The following PCDHA5 variants were observed in gnomAD, a reference collection of about 807,000 sequenced individuals.
PCDHA5 encodes the protein protocadherin alpha 5, also known as protocadherin alpha-5.
In PCDHA5, 43 loss-of-function variants were observed where a neutral mutation model predicts 61.6. That is an observed-to-expected ratio of 0.70 (90% CI 0.55 to 0.90). PCDHA5 has a LOEUF of 0.90. Among genes scored for constraint, PCDHA5 ranks in the 40% least tolerant of loss-of-function variants. PCDHA5 has a pLI of 0.00. For missense variants in PCDHA5, 1,298 were observed against 1,222.7 expected, an observed-to-expected ratio of 1.06 and a Z score of -0.92; for synonymous variants, 627 against 543.9, an observed-to-expected ratio of 1.15 and a Z score of -2.13.
intron 1 of PCDHA5, 81 bp from the exon 2 acceptor site, chr5:140,978,868 G>A: frequency 6.2e-7 from 1 of 1,606,078 alleles, no homozygotes; most frequent in Non-Finnish European, 8.5e-7. Context: ...ATATTTAAGG[G>A]AGTAACTAAT....
At chr5:140,998,056 C>T (rs1162882949) in intron 3 of PCDHA5, among the ~76,000 whole-genome samples, 1 of 152,160 alleles carries the variant, frequency 6.6e-6, no homozygotes, top group Non-Finnish European at 1.5e-5. Context: ...GTGACATCAT[C>T]ATCAACAGAC....
At chr5:140,982,217 C>A in intron 2 of PCDHA5, 1 of 507,664 alleles carries the variant, frequency 2.0e-6, no homozygotes, top group Non-Finnish European at 3.1e-6. Flanking sequence ...CGCCACATGG[C>A]GTTAATAAAA....
chr5:140,926,441 A>G (rs1476576189), intron 1 of PCDHA5: 1 of 154,800 alleles, frequency 6.5e-6, no homozygotes, highest in African/African-American at 2.4e-5. Context: ...AGATCTGGGC[A>G]GCCTCAGGGC....
rs1437850359 is a variant in PCDHA5, at chr5:140,822,152, A to G, written c.377A>G (p.Asn126Ser). The G allele has an allele frequency of 1.7e-5, 27 of 1,614,268 alleles. 1 individual carries two copies. Among genetic ancestry groups the G allele is most frequent in the Admixed American group, 3.3e-5 (2 of 60,028 alleles). ...FHVEVAVKDI[N>S]DNPPRFSRQE... ...GTGGAGGTGGCAGTGAAGGACATCA[A>G]TGACAATCCGCCCAGGTTCTCCAGA... The change falls in exon 1 of 4, where the codon AAT (asparagine) becomes AGT (serine). Residue 126 changes from asparagine (N) to serine (S), a missense_variant. By Grantham distance (46) the Asn-to-Ser change is conservative. Coordinates refer to ENST00000529859, the MANE Select transcript of PCDHA5 (RefSeq NM_018908.3).
rs2150472537 is a variant in PCDHA5, at chr5:140,850,195, C to T, written c.2352+26068C>T. 8.8e-6 allele frequency: 14 copies of T among 1,593,610 alleles called. 2 individuals are homozygous for T. In the South Asian group the frequency reaches 1.5e-4, roughly 18 times the overall value. The stretch of plus-strand genomic sequence containing the variant: ...AACGACAATGCGCCGGCGCTGCTGA[C>T]ACCTCGGATGAGGGGCACTGACGGC... On this transcript the variant is annotated intron_variant, in intron 1 of 3. Transcript: ENST00000529859.
At position 140,848,824 on chromosome 5, in the gene PCDHA5, T is replaced by C. The variant is rs2150421709; in HGVS notation, c.2352+24697T>C. On this transcript the variant is annotated intron_variant, in intron 1 of 3. Coordinates refer to ENST00000529859, the MANE Select transcript of PCDHA5 (RefSeq NM_018908.3). ...TGCAGCATCCACCTGGAGGTGATCG[T>C]AGACAGGCCGCTGCAGGTTTTCCAT... 7.5e-6 allele frequency: 12 copies of C among 1,590,566 alleles called. 1 individual carries two copies. In the Middle Eastern group the frequency reaches 1.4e-3, roughly 180 times the overall value.
At chr5:140,974,808 G>A (rs1229375180) in intron 1 of PCDHA5, among the ~76,000 whole-genome samples, 1 of 152,090 alleles carries the variant, frequency 6.6e-6, no homozygotes, top group Non-Finnish European at 1.5e-5. Context: ...TATACTAGAA[G>A]ACCAATATGC....
chr5:140,982,499 C>T lies in PCDHA5; in HGVS notation c.2436C>T (p.Gly812=). The T allele has an allele frequency of 6.2e-7, 1 of 1,614,184 alleles. No individual in the cohort carries two copies. The highest frequency in any genetic ancestry group is 8.5e-7 in the Non-Finnish European group (1 of 1,180,024). The part of the protein sequence containing the change: ...MHSSVHLEEA[G]ILRAGPGGPD... Reference sequence around the variant, plus strand: ...GCTCTGTGCACCTAGAGGAGGCTGGCATTCTACGGGCTGGTCCAGGAGGGC... The same window carrying T: ...GCTCTGTGCACCTAGAGGAGGCTGGTATTCTACGGGCTGGTCCAGGAGGGC... The change falls in exon 3 of 4, where the codon GGC becomes GGT. Residue 812 remains glycine (G), a synonymous_variant. Transcript: ENST00000529859.
At chr5:140,997,129 C>T (rs983112049) in intron 3 of PCDHA5, among the ~76,000 whole-genome samples, 1 of 152,094 alleles carries the variant, frequency 6.6e-6, no homozygotes, top group Non-Finnish European at 1.5e-5. Flanking sequence ...ATACACAATG[C>T]CCCCACACCC....
chr5:140,951,603 T>G (rs1056623799), intron 1 of PCDHA5, among the ~76,000 whole-genome samples: 2 of 152,094 alleles, frequency 1.3e-5, no homozygotes, highest in African/African-American at 4.8e-5. Flanking sequence ...CTCACTGTTA[T>G]GAGAATAGCA....
intron 1 of PCDHA5, chr5:140,928,070 A>G (rs1408962097): frequency 1.9e-6 from 3 of 1,614,058 alleles, no homozygotes; most frequent in East Asian, 4.5e-5. Flanking sequence ...TCCTTTGACA[A>G]CTACTACAGC....
intron 1 of PCDHA5, chr5:140,857,926 C>G (rs1351185942): frequency 2.5e-6 from 4 of 1,597,606 alleles, no homozygotes; most frequent in East Asian, 2.2e-5. Flanking sequence ...TGGGGCTGTA[C>G]ACGGGCGAGA....
At chr5:140,835,876 G>T in intron 1 of PCDHA5, 3 of 1,611,976 alleles carry the variant, frequency 1.9e-6, no homozygotes, top group Non-Finnish European at 2.5e-6. Flanking sequence ...GTGGAGCTGC[G>T]GGTGGGCGAG....
intron 1 of PCDHA5, among the ~76,000 whole-genome samples, chr5:140,952,097 G>A (rs1385693579): frequency 1.3e-5 from 2 of 152,066 alleles, no homozygotes; most frequent in East Asian, 3.9e-4. Context: ...CACATCCAGG[G>A]CACACTCGTG....
intron 1 of PCDHA5, chr5:140,877,927 A>G: frequency 7.1e-7 from 1 of 1,416,192 alleles, no homozygotes; most frequent in South Asian, 1.6e-5. Flanking sequence ...TTTCTTTATG[A>G]TTCTATCCTT....
chr5:140,869,451 T>C, intron 1 of PCDHA5: 1 of 1,614,146 alleles, frequency 6.2e-7, no homozygotes, highest in Non-Finnish European at 8.5e-7. Context: ...CGCTGCAGGT[T>C]TTCCATGTGA....
Position 140,857,494 on chromosome 5 carries a change from C to A in PCDHA5, c.2352+33367C>A, listed in dbSNP as rs189056024. Reference sequence around the variant, plus strand: ...TCACGGTGTCTGCGTGGGACGCGGACGCGCAGGAGAACGCCCTGGTGTCCT... The same window carrying A: ...TCACGGTGTCTGCGTGGGACGCGGAAGCGCAGGAGAACGCCCTGGTGTCCT... On this transcript the variant is annotated intron_variant, in intron 1 of 3. Coordinates refer to ENST00000529859, the MANE Select transcript of PCDHA5 (RefSeq NM_018908.3). 3.8e-5 allele frequency: 60 copies of A among 1,598,330 alleles called. 2 individuals are homozygous for A. In the East Asian group the frequency reaches 1.2e-3, roughly 32 times the overall value.
chr5:140,941,214 C>CTTTCT (rs1554214039), intron 1 of PCDHA5, among the ~76,000 whole-genome samples: 174 of 122,492 alleles, frequency 1.4e-3, no homozygotes, highest in African/African-American at 5.3e-3. Flanking sequence ...TTTCTTTCTT[C>CTTTCT]CTTTCTTTCT....
At chr5:140,886,638 C>T (rs1282922977) in intron 1 of PCDHA5, among the ~76,000 whole-genome samples, 4 of 151,738 alleles carry the variant, frequency 2.6e-5, no homozygotes, top group South Asian at 2.1e-4. Flanking sequence ...CCAGCCTGGC[C>T]AACATGGTGA....
Sources: gnomAD v4.1 joint callset for allele counts (sites outside exome capture counted in the v4.1 genomes callset) on GRCh38, gnomAD v4.1.1 for gene constraint, MANE v1.5 for transcripts, NCBI Gene and HGNC (gene_info 2026-07-23, HGNC 2026-07-21) for gene names.